Variants in ARHGAP31 observed in about 807,000 individuals in gnomAD.
ARHGAP31 encodes rho GTPase-activating protein 31.
In ARHGAP31, 34 loss-of-function variants were observed where a neutral mutation model predicts 113.9. The observed-to-expected ratio is 0.30, with a 90% CI of 0.23 to 0.40. ARHGAP31 has a LOEUF of 0.40. ARHGAP31 is among the 10% of genes least tolerant of loss of function. ARHGAP31 has a pLI of 1.00. For missense variants in ARHGAP31, 1,548 were observed against 1,767.1 expected (o/e 0.88, Z 2.22); for synonymous variants, 650 against 684.8 (o/e 0.95, Z 0.79).
intron 8 of ARHGAP31, 112 bp downstream of exon 8, chr3:119,393,703 A>T: frequency 6.9e-7 from 1 of 1,450,060 alleles, no homozygotes; most frequent in Admixed American, 1.9e-5. Flanking sequence ...AGAAACTTAT[A>T]AATTAACTAG....
chr3:119,348,290 C>T (rs185324546), intron 1 of ARHGAP31, among the ~76,000 whole-genome samples: 39 of 152,254 alleles, frequency 2.6e-4, no homozygotes, highest in Non-Finnish European at 4.9e-4. Context: ...AAATAAAGTA[C>T]ACAATAAAGG....
In ARHGAP31 at chr3:119,294,599, G is replaced by A. The variant is rs1263776196; in HGVS notation, c.-306G>A. 1.9e-6 allele frequency: 1 copy of A among 533,492 alleles called. No homozygotes were observed. 33.0% of individuals were successfully genotyped at this position (533,492 alleles called of 1,614,324 possible). A position where few individuals can be genotyped will look rare whatever the true frequency, so the allele number is the denominator to read the frequency against. On this transcript the variant is annotated 5_prime_UTR_variant, in exon 1 of 12. Transcript: ENST00000264245. The stretch of plus-strand genomic sequence containing the variant: ...AGGAGAAACACCCGAAGACACCGCA[G>A]GAGCCTGTGAAAGTCCCTAGGACTC...
intron 1 of ARHGAP31, among the ~76,000 whole-genome samples, chr3:119,313,388 G>A (rs767120465): frequency 1.3e-5 from 2 of 152,104 alleles, no homozygotes; most frequent in Non-Finnish European, 2.9e-5. Context: ...GTTCCTGTAA[G>A]ATTTCACTTA....
chr3:119,420,039 T>C lies in ARHGAP31; in HGVS notation c.*3775T>C, dbSNP rs1308264993. 1.3e-5 allele frequency: 2 copies of C among 152,212 alleles called. No individual in the cohort carries two copies. The highest frequency in any genetic ancestry group is 4.8e-5 in the African/African-American group (2 of 41,450). The allele number at this position is 152,212 out of a possible 1,614,324, so 9.4% of individuals were successfully genotyped here. ...AAACTGTTCAATTCAAGATAAATTG[T>C]TCTTGTCAGTGTTTGGCATATGATA... is the stretch of plus-strand genomic sequence containing the variant. On this transcript the variant is annotated 3_prime_UTR_variant, in exon 12 of 12. Transcript: ENST00000264245.
intron 11 of ARHGAP31, 46 bp from the exon 12 acceptor site, chr3:119,413,810 C>T: frequency 1.9e-6 from 3 of 1,613,972 alleles, no homozygotes; most frequent in Non-Finnish European, 2.5e-6. Context: ...ATGTCAGCAC[C>T]CAGAGTACTT....
intron 1 of ARHGAP31, among the ~76,000 whole-genome samples, chr3:119,303,501 G>C (rs888954494): frequency 6.6e-6 from 1 of 152,168 alleles, no homozygotes; most frequent in East Asian, 1.9e-4. Flanking sequence ...TCTCGTTTAA[G>C]CTTGGTTGAT....
Position 119,414,119 on chromosome 3 carries a change from T to A in ARHGAP31, c.2190T>A (p.Ala730=), listed in dbSNP as rs374063927. The stretch of plus-strand genomic sequence containing the variant: ...CAGCCAATCAGAGCACACAGGGGGC[T>A]TCCACAGCAGCCAGCAGAGAGAAGC... ...RDPANQSTQG[A]STAASREKPE... Residue 730 remains alanine (A), a synonymous_variant, in exon 12 of 12, where the codon GCT becomes GCA. Coordinates refer to ENST00000264245, the MANE Select transcript of ARHGAP31 (RefSeq NM_020754.4). 1 of 1,613,984 alleles carries A rather than the reference T, an allele frequency of 6.2e-7. No homozygotes were observed. The highest frequency in any genetic ancestry group is 1.3e-5 in the African/African-American group (1 of 74,892).
At chr3:119,366,953 T>C (rs1419181072) in intron 2 of ARHGAP31, among the ~76,000 whole-genome samples, 1 of 151,840 alleles carries the variant, frequency 6.6e-6, no homozygotes, top group African/African-American at 2.4e-5. Flanking sequence ...AATACAAAAA[T>C]TAGCCGGGTG....
chr3:119,382,948 C>G, intron 5 of ARHGAP31, 136 bp from the exon 6 acceptor site: 1 of 1,168,506 alleles, frequency 8.6e-7, no homozygotes, highest in East Asian at 2.4e-5. Context: ...CTTTAATTGG[C>G]CCTAAATAAT....
At chr3:119,397,789 C>T (rs1053283876) in intron 8 of ARHGAP31, among the ~76,000 whole-genome samples, 6 of 152,244 alleles carry the variant, frequency 3.9e-5, no homozygotes, top group Non-Finnish European at 8.8e-5. Context: ...TTAAAGCCAA[C>T]TCTAACTGCT....
rs2080780560 is a variant in ARHGAP31, at chr3:119,416,481, G to A, written c.*217G>A. 4 of 629,016 alleles carry A rather than the reference G, an allele frequency of 6.4e-6. No homozygotes were observed. The highest frequency in any genetic ancestry group is 1.8e-5 in the African/African-American group (1 of 54,746). 39.0% of individuals were successfully genotyped at this position (629,016 alleles called of 1,614,324 possible). On this transcript the variant is annotated 3_prime_UTR_variant, in exon 12 of 12. Coordinates refer to ENST00000264245, the MANE Select transcript of ARHGAP31 (RefSeq NM_020754.4). The stretch of plus-strand genomic sequence containing the variant: ...AGATGAAATTTAGTTAAGTCTATGT[G>A]AGCAAGTGAGAGAAGGTTAGGTAAG...
Position 119,294,698 on chromosome 3 carries a change from C to A in ARHGAP31, c.-207C>A, listed in dbSNP as rs1033344060. ...CTGCACGGCCTCGGCACGGCGGCCC[C>A]GGAGCGGCGCGGGGTGGATCTCAGG... On this transcript the variant is annotated 5_prime_UTR_variant, in exon 1 of 12. Coordinates refer to ENST00000264245, the MANE Select transcript of ARHGAP31 (RefSeq NM_020754.4). 18 of 596,782 alleles carry A rather than the reference C, an allele frequency of 3.0e-5. No homozygotes were observed. The highest frequency in any genetic ancestry group is 5.3e-5 in the Non-Finnish European group (18 of 339,642). The allele number at this position is 596,782 out of a possible 1,614,324, so 37.0% of individuals were successfully genotyped here.
chr3:119,299,907 G>A (rs11917054), intron 1 of ARHGAP31, among the ~76,000 whole-genome samples: 3,669 of 152,294 alleles, frequency 0.024, 142 homozygotes, highest in African/African-American at 0.084. Flanking sequence ...TGAAGGCAGG[G>A]GTTTTTTCTT....
chr3:119,403,538 A>C (rs1331351328), intron 10 of ARHGAP31, among the ~76,000 whole-genome samples: 2 of 152,216 alleles, frequency 1.3e-5, no homozygotes, highest in Non-Finnish European at 2.9e-5. Context: ...GAAGTTCAGC[A>C]CAGGGTCAGC....
At position 119,414,675 on chromosome 3, in the gene ARHGAP31, A is replaced by G; in HGVS notation, c.2746A>G (p.Ser916Gly). 1 of 1,614,198 alleles carries G rather than the reference A, an allele frequency of 6.2e-7. No homozygotes were observed. ...EPWEEPQWVT[S>G]PLHSPTLKDA... Reference sequence around the variant, plus strand: ...CTGGGAGGAACCCCAGTGGGTGACGAGTCCCCTTCACTCTCCCACCCTGAA... The same window carrying G: ...CTGGGAGGAACCCCAGTGGGTGACGGGTCCCCTTCACTCTCCCACCCTGAA... Residue 916 changes from serine to glycine, a missense_variant, in exon 12 of 12, where the codon AGT becomes GGT. Ser to Gly is a moderately conservative substitution (Grantham distance 56). Coordinates refer to ENST00000264245, the MANE Select transcript of ARHGAP31 (RefSeq NM_020754.4).
chr3:119,295,533 T>C (rs1356031088), intron 1 of ARHGAP31, among the ~76,000 whole-genome samples: 4 of 151,730 alleles, frequency 2.6e-5, no homozygotes, highest in Non-Finnish European at 5.9e-5. Flanking sequence ...TGCACAAACA[T>C]TTCTGAATTT....
At chr3:119,322,825 G>C (rs2079803879) in intron 1 of ARHGAP31, 2 of 153,116 alleles carry the variant, frequency 1.3e-5, no homozygotes, top group African/African-American at 4.8e-5. Flanking sequence ...CCCTACAGGG[G>C]GCTCCGCCAG....
At position 119,368,577 on chromosome 3, in the gene ARHGAP31, T is replaced by C. The variant is rs2080269924; in HGVS notation, c.348+61T>C. On this transcript the variant is annotated intron_variant, in intron 3 of 11. Transcript: ENST00000264245. ...GGATGCATGGATGGGCCAAGAAGAG[T>C]TTCAGCACTAAAATAACAATAATAA... is the stretch of plus-strand genomic sequence containing the variant. 4 of 1,587,250 alleles carry C rather than the reference T, an allele frequency of 2.5e-6. No homozygotes were observed. The East Asian group carries it at 9.0e-5, about 36-fold the overall frequency.
chr3:119,412,214 C>T (rs1210326209), intron 11 of ARHGAP31, among the ~76,000 whole-genome samples: 2 of 151,994 alleles, frequency 1.3e-5, no homozygotes, highest in Non-Finnish European at 2.9e-5. Context: ...CATGGTGAAA[C>T]CCCATCTCTA....
Sources: allele counts gnomAD v4.1 joint callset (sites outside exome capture counted in the v4.1 genomes callset), GRCh38; gene constraint gnomAD v4.1.1; transcripts MANE v1.5; gene names NCBI Gene and HGNC (gene_info 2026-07-23, HGNC 2026-07-21).